LGSN: variants seen among roughly 807,000 people sequenced by gnomAD.
The protein encoded by LGSN is lengsin.
In LGSN, 21 loss-of-function variants were observed where a neutral mutation model predicts 19.5. That is an observed-to-expected ratio of 1.07 (90% CI 0.76 to 1.55). The LOEUF (loss-of-function observed/expected upper bound fraction) is 1.55. LGSN is among the 40% of genes most tolerant of loss of function. The pLI, the probability that LGSN is intolerant of heterozygous loss-of-function variation, is 0.00. For missense variants in LGSN, 673 were observed against 608.5 expected (o/e 1.11, Z -1.12); for synonymous variants, 257 against 215.6 (o/e 1.19, Z -1.68).
the LGSN span, among the ~76,000 whole-genome samples, chr6:63,543,430 A>T: frequency 5.3e-4 from 80 of 152,346 alleles, no homozygotes; most frequent in African/African-American, 1.8e-3. Flanking sequence ...TAATCCTCCC[A>T]CTAAAGTGTA....
intron 1 of LGSN, among the ~76,000 whole-genome samples, chr6:63,296,323 T>C (rs1399164309): frequency 6.6e-6 from 1 of 151,640 alleles, no homozygotes; most frequent in Non-Finnish European, 1.5e-5. Flanking sequence ...TTGTAAGTAA[T>C]TTAGGATTTA....
chr6:63,344,705 C>A, the LGSN span, among the ~76,000 whole-genome samples: 1 of 150,978 alleles, frequency 6.6e-6, no homozygotes, highest in East Asian at 1.9e-4. Context: ...GAGTTTAGGG[C>A]CAAATTGATT....
At chr6:63,490,439 CA>C in the LGSN span, among the ~76,000 whole-genome samples, 1 of 152,154 alleles carries the variant, frequency 6.6e-6, no homozygotes, top group African/African-American at 2.4e-5. Flanking sequence ...TTTCTTCCTC[CA>C]GATATTGAGC....
the LGSN span, among the ~76,000 whole-genome samples, chr6:63,493,525 TC>T: frequency 6.6e-6 from 1 of 152,236 alleles, no homozygotes; most frequent in South Asian, 2.1e-4. Flanking sequence ...AGAATTTAAT[TC>T]AGGTTTGGAA....
intron 2 of LGSN, among the ~76,000 whole-genome samples, chr6:63,286,185 G>A (rs899300993): frequency 6.6e-6 from 1 of 152,112 alleles, no homozygotes; most frequent in African/African-American, 2.4e-5. Context: ...ATTTCTATAT[G>A]ATTAAAAGTG....
chr6:63,497,675 G>C, the LGSN span, among the ~76,000 whole-genome samples: 2 of 152,052 alleles, frequency 1.3e-5, no homozygotes, highest in Non-Finnish European at 2.9e-5. Flanking sequence ...CATTCAGCTT[G>C]AGTGGCCACA....
the LGSN span, among the ~76,000 whole-genome samples, chr6:63,367,955 G>C: frequency 6.0e-4 from 91 of 151,862 alleles, 1 homozygote; most frequent in Middle Eastern, 0.01. Flanking sequence ...GTGGGGGAAG[G>C]GGGGAGGGAT....
At chr6:63,292,048 C>T (rs183909935) in intron 2 of LGSN, among the ~76,000 whole-genome samples, 1 of 152,248 alleles carries the variant, frequency 6.6e-6, no homozygotes. Flanking sequence ...AGAAAGGATT[C>T]TGGGAGATAA....
the LGSN span, among the ~76,000 whole-genome samples, chr6:63,484,878 C>A: frequency 6.6e-6 from 1 of 152,286 alleles, no homozygotes; most frequent in Non-Finnish European, 1.5e-5. Flanking sequence ...ATGTTAGAAC[C>A]AAAGTGCTAA....
At chr6:63,350,678 G>T in the LGSN span, among the ~76,000 whole-genome samples, 1 of 151,724 alleles carries the variant, frequency 6.6e-6, no homozygotes, top group Non-Finnish European at 1.5e-5. Context: ...ATGGTGAAAC[G>T]CTCTCTCTAC....
rs927104218 is a variant in LGSN at position 63,276,583 on chromosome 6, G to A, written c.*3438C>T. On this transcript the variant is annotated 3_prime_UTR_variant, in exon 4 of 4. Coordinates refer to ENST00000370657, the MANE Select transcript of LGSN (RefSeq NM_016571.3). ...GCTATTTATAAGGCACCCTTTTCGAGCCATAAAGAAGCTTTCCAAATAGCT... is the reference window on the plus strand; with the variant it reads ...GCTATTTATAAGGCACCCTTTTCGAACCATAAAGAAGCTTTCCAAATAGCT... 1.3e-5 allele frequency: 2 copies of A among 152,066 alleles called. No individual in the cohort carries two copies. The highest frequency in any genetic ancestry group is 4.8e-5 in the African/African-American group (2 of 41,398). 9.4% of individuals were successfully genotyped at this position (152,066 alleles called of 1,614,324 possible). A position where few individuals can be genotyped will look rare whatever the true frequency, so the allele number is the denominator to read the frequency against.
At chr6:63,419,856 G>A in the LGSN span, among the ~76,000 whole-genome samples, 10 of 113,352 alleles carry the variant, frequency 8.8e-5, no homozygotes, top group African/African-American at 3.5e-4. Flanking sequence ...ACTCTAGCCT[G>A]GGCGTAAGAG....
chr6:63,367,175 T>C, the LGSN span, among the ~76,000 whole-genome samples: 3 of 152,014 alleles, frequency 2.0e-5, no homozygotes, highest in East Asian at 3.8e-4. Flanking sequence ...GGGAGAAAAT[T>C]TTTACAATCT....
chr6:63,480,853 T>A, the LGSN span, among the ~76,000 whole-genome samples: 1 of 149,380 alleles, frequency 6.7e-6, no homozygotes, highest in Non-Finnish European at 1.5e-5. Flanking sequence ...GCACACATAT[T>A]TTTATAGCAA....
At chr6:63,374,236 G>A in the LGSN span, among the ~76,000 whole-genome samples, 1 of 152,052 alleles carries the variant, frequency 6.6e-6, no homozygotes, top group Non-Finnish European at 1.5e-5. Flanking sequence ...GTGGCAAAAT[G>A]TTATCTTTGA....
At chr6:63,469,048 T>C in the LGSN span, among the ~76,000 whole-genome samples, 1 of 152,212 alleles carries the variant, frequency 6.6e-6, no homozygotes, top group East Asian at 1.9e-4. Context: ...GCACCCTTCC[T>C]TTATTTTTTA....
chr6:63,570,427 G>A, the LGSN span, among the ~76,000 whole-genome samples: 1 of 152,150 alleles, frequency 6.6e-6, no homozygotes, highest in African/African-American at 2.4e-5. Context: ...AGGATAAGAT[G>A]GTACCTTGTC....
At chr6:63,560,504 G>GT in the LGSN span, among the ~76,000 whole-genome samples, 17 of 150,920 alleles carry the variant, frequency 1.1e-4, no homozygotes, top group Non-Finnish European at 2.1e-4. Context: ...CCGAGTTCAA[G>GT]TGATTCTCCT....
chr6:63,393,487 C>A, the LGSN span, among the ~76,000 whole-genome samples: 4 of 152,240 alleles, frequency 2.6e-5, no homozygotes, highest in East Asian at 5.8e-4. Flanking sequence ...CCCATCTTCC[C>A]TTCTTCTGTA....
Sources: gnomAD v4.1 joint callset for allele counts (sites outside exome capture counted in the v4.1 genomes callset) on GRCh38, gnomAD v4.1.1 for gene constraint, MANE v1.5 for transcripts, NCBI Gene and HGNC (gene_info 2026-07-23, HGNC 2026-07-21) for gene names.